The following ARHGAP32 variants were observed in gnomAD, a reference collection of about 807,000 sequenced individuals.
ARHGAP32 encodes rho GTPase-activating protein 32.
A neutral mutation model predicts 186.5 loss-of-function variants in ARHGAP32; 51 were observed. The observed-to-expected ratio is 0.27, with a 90% CI of 0.22 to 0.35. The LOEUF (loss-of-function observed/expected upper bound fraction) is 0.35, where lower values mean the gene tolerates loss of function less well. ARHGAP32 is among the 10% of genes least tolerant of loss of function. The pLI is 1.00. For missense variants in ARHGAP32, 2,186 were observed against 2,623.5 expected (o/e 0.83, Z 3.64); for synonymous variants, 950 against 964.3 (o/e 0.99, Z 0.27).
intron 11 of ARHGAP32, among the ~76,000 whole-genome samples, chr11:129,004,222 C>G (rs1242160694): frequency 6.7e-6 from 1 of 148,996 alleles, no homozygotes; most frequent in African/African-American, 2.5e-5. Context: ...GCCAGAGATG[C>G]CTGATATCAC....
At chr11:129,215,669 CCTGT>C (rs1297930684) in intron 1 of ARHGAP32, among the ~76,000 whole-genome samples, 2 of 152,166 alleles carry the variant, frequency 1.3e-5, no homozygotes, top group Admixed American at 6.5e-5. Flanking sequence ...GCCTGACTCT[CCTGT>C]CTCTCTGAGA....
chr11:129,127,946 A>T (rs537628357), intron 2 of ARHGAP32, among the ~76,000 whole-genome samples: 1 of 152,222 alleles, frequency 6.6e-6, no homozygotes, highest in Non-Finnish European at 1.5e-5. Context: ...TAAACTCTCT[A>T]TGTGTCTATC....
intron 18 of ARHGAP32, 113 bp from the exon 19 acceptor site, chr11:128,979,028 G>A: frequency 1.1e-6 from 1 of 923,782 alleles, no homozygotes. Flanking sequence ...AAGCATAAGT[G>A]AAACAGTAAG....
chr11:129,217,405 C>T (rs932127797), intron 1 of ARHGAP32, among the ~76,000 whole-genome samples: 3 of 152,176 alleles, frequency 2.0e-5, no homozygotes, highest in East Asian at 3.8e-4. Flanking sequence ...ACCCTGGGGC[C>T]ATGTCATGCC....
chr11:129,191,831 T>C (rs1218679129), intron 1 of ARHGAP32, among the ~76,000 whole-genome samples: 1 of 152,156 alleles, frequency 6.6e-6, no homozygotes, highest in African/African-American at 2.4e-5. Flanking sequence ...GAAAGGCTAC[T>C]ACAAAACCTG....
At chr11:129,129,575 G>A (rs1348635524) in intron 2 of ARHGAP32, among the ~76,000 whole-genome samples, 17 of 152,208 alleles carry the variant, frequency 1.1e-4, no homozygotes, top group African/African-American at 1.9e-4. Flanking sequence ...TGACGACGGC[G>A]GTTTTGTCAA....
At chr11:129,077,260 G>A (rs894029732) in intron 6 of ARHGAP32, among the ~76,000 whole-genome samples, 2 of 152,126 alleles carry the variant, frequency 1.3e-5, no homozygotes, top group South Asian at 4.1e-4. Context: ...TTGATGAAGC[G>A]CAAATTTTCC....
intron 5 of ARHGAP32, among the ~76,000 whole-genome samples, chr11:129,121,621 C>A (rs575461630): frequency 6.6e-6 from 1 of 152,062 alleles, no homozygotes; most frequent in Non-Finnish European, 1.5e-5. Context: ...AAACATCTCA[C>A]TCATACACCT....
At chr11:129,132,509 G>C (rs2135406814) in intron 2 of ARHGAP32, among the ~76,000 whole-genome samples, 1 of 150,686 alleles carries the variant, frequency 6.6e-6, no homozygotes, top group Middle Eastern at 3.5e-3. Context: ...TAAGACCACA[G>C]TGATCCCCAT....
Position 129,041,585 on chromosome 11 carries a change from C to T in ARHGAP32, c.964-576G>A, listed in dbSNP as rs1565391563. Among the ~76,000 whole-genome samples, 5 of 151,460 alleles carry T rather than the reference C, an allele frequency of 3.3e-5. No homozygotes were observed. The South Asian group carries it at 8.4e-4, about 25-fold the overall frequency. On this transcript the variant is annotated intron_variant, in intron 10 of 22. Transcript: ENST00000682385. ...ATTCACTGCTTTTAAAAACTAGTAGCGCATGGAAAAGAGGGAAAGTAAGAG... is the reference window on the plus strand; with the variant it reads ...ATTCACTGCTTTTAAAAACTAGTAGTGCATGGAAAAGAGGGAAAGTAAGAG...
intron 5 of ARHGAP32, among the ~76,000 whole-genome samples, chr11:129,120,034 G>T (rs574076870): frequency 6.6e-6 from 1 of 152,200 alleles, no homozygotes; most frequent in East Asian, 1.9e-4. Flanking sequence ...GACATGATTG[G>T]ACTTACATTT....
At chr11:129,227,839 G>A (rs1204170315) in intron 1 of ARHGAP32, among the ~76,000 whole-genome samples, 1 of 151,952 alleles carries the variant, frequency 6.6e-6, no homozygotes, top group Non-Finnish European at 1.5e-5. Flanking sequence ...TAATTAAATG[G>A]TCAACAAGGA....
chr11:129,167,811 A>G (rs1030470714), intron 1 of ARHGAP32, among the ~76,000 whole-genome samples: 1 of 152,230 alleles, frequency 6.6e-6, no homozygotes, highest in Non-Finnish European at 1.5e-5. Context: ...TGGTTTTCGT[A>G]TAACTTCATG....
rs369034541 is a variant in ARHGAP32 at position 128,989,516 on chromosome 11, T to TCTCACACACA, written c.1196-1392_1196-1391insTGTGTGTGAG. On this transcript the variant is annotated intron_variant, in intron 12 of 22. Coordinates refer to ENST00000682385, the MANE Select transcript of ARHGAP32 (RefSeq NM_001378024.1). ...CAATGCTTTTGTTTTGTTTTTTATT[T>TCTCACACACA]CACACACACACACACACACACACAC... is the stretch of plus-strand genomic sequence containing the variant. Among the ~76,000 whole-genome samples the TCTCACACACA allele has an allele frequency of 1.5e-3, 203 of 139,034 alleles. 2 individuals carry two copies. The highest frequency in any genetic ancestry group is 4.6e-3 in the South Asian group (19 of 4,150). 91.2% of individuals were successfully genotyped at this position (139,034 alleles called of 152,430 possible).
intron 1 of ARHGAP32, among the ~76,000 whole-genome samples, chr11:129,170,911 T>A (rs1462126074): frequency 6.6e-6 from 1 of 152,242 alleles, no homozygotes; most frequent in African/African-American, 2.4e-5. Context: ...TGCATTTCTC[T>A]GATGATCAGT....
intron 11 of ARHGAP32, among the ~76,000 whole-genome samples, chr11:129,003,676 G>T (rs1338298706): frequency 6.6e-6 from 1 of 152,022 alleles, no homozygotes; most frequent in Non-Finnish European, 1.5e-5. Flanking sequence ...GCATATAGTT[G>T]CTCATAATAG....
chr11:129,141,005 C>T (rs556607915), intron 2 of ARHGAP32, among the ~76,000 whole-genome samples: 2 of 152,190 alleles, frequency 1.3e-5, no homozygotes, highest in East Asian at 1.9e-4. Flanking sequence ...ACTGCCAATT[C>T]CTTTACCTAT....
At chr11:129,088,994 TCAAAAAAAAA>T (rs1941495002) in intron 6 of ARHGAP32, among the ~76,000 whole-genome samples, 1 of 65,572 alleles carries the variant, frequency 1.5e-5, no homozygotes, top group Non-Finnish European at 2.5e-5. Flanking sequence ...AGAGACCTTG[TCAAAAAAAAA>T]AAAAAAAAAA....
intron 1 of ARHGAP32, among the ~76,000 whole-genome samples, chr11:129,172,014 T>C (rs1264576425): frequency 1.3e-5 from 2 of 152,182 alleles, no homozygotes; most frequent in Non-Finnish European, 2.9e-5. Flanking sequence ...TTTTACACAT[T>C]GATTTTGTAT....
Sources: gnomAD v4.1 joint callset for allele counts (sites outside exome capture counted in the v4.1 genomes callset) on GRCh38, gnomAD v4.1.1 for gene constraint, MANE v1.5 for transcripts, NCBI Gene and HGNC (gene_info 2026-07-23, HGNC 2026-07-21) for gene names.